TMEM170B: variants seen among roughly 807,000 people sequenced by gnomAD.
TMEM170B encodes transmembrane protein 170B.
A neutral mutation model predicts 13.0 loss-of-function variants in TMEM170B; 6 were observed. That is an observed-to-expected ratio of 0.46 (90% CI 0.25 to 0.91). The LOEUF is 0.91. Among genes scored for constraint, TMEM170B ranks in the 40% least tolerant of loss-of-function variants. TMEM170B has a pLI of 0.17. For missense variants in TMEM170B, 138 were observed against 165.2 expected, an observed-to-expected ratio of 0.84 and a Z score of 0.90; for synonymous variants, 61 against 64.9, an observed-to-expected ratio of 0.94 and a Z score of 0.29.
intron 1 of TMEM170B, among the ~76,000 whole-genome samples, chr6:11,557,223 T>TA (rs1240113945): frequency 6.6e-6 from 1 of 152,250 alleles, no homozygotes; most frequent in Non-Finnish European, 1.5e-5. Flanking sequence ...AAGGAAAAGT[T>TA]ACGATTGTAT....
chr6:11,549,462 G>A (rs1422328396), intron 1 of TMEM170B, among the ~76,000 whole-genome samples: 1 of 152,124 alleles, frequency 6.6e-6, no homozygotes, highest in African/African-American at 2.4e-5. Context: ...AGGAGATCGA[G>A]ACCATCCTGG....
Position 11,577,983 on chromosome 6 carries a change from T to C in TMEM170B, c.*2422T>C, listed in dbSNP as rs1759902173. ...TATGCTGAAATTTTTAAAAAGTTAG[T>C]AGCTTTCCTATAGACACAAGAAATG... On this transcript the variant is annotated 3_prime_UTR_variant, in exon 3 of 3. Transcript: ENST00000379426. 6.6e-6 allele frequency: 1 copy of C among 152,148 alleles called. No individual in the cohort carries two copies. 9.4% of individuals were successfully genotyped at this position (152,148 alleles called of 1,614,324 possible).
intron 1 of TMEM170B, among the ~76,000 whole-genome samples, chr6:11,564,480 T>C (rs1759709590): frequency 1.3e-5 from 2 of 152,248 alleles, no homozygotes; most frequent in African/African-American, 2.4e-5. Flanking sequence ...AAATCACAGA[T>C]GAGATACTTT....
In TMEM170B at chr6:11,582,555, T is replaced by G. The variant is rs1314109998; in HGVS notation, c.*6994T>G. On this transcript the variant is annotated 3_prime_UTR_variant, in exon 3 of 3. Coordinates refer to ENST00000379426, the MANE Select transcript of TMEM170B (RefSeq NM_001100829.3). ...TGGTATTTTTCTCTATTTTTTCTTTTTCCAAGTATGAAATGGAAAAAAATG... is the reference window on the plus strand; with the variant it reads ...TGGTATTTTTCTCTATTTTTTCTTTGTCCAAGTATGAAATGGAAAAAAATG... 6.6e-6 allele frequency: 1 copy of G among 152,248 alleles called. No individual in the cohort carries two copies. The highest frequency in any genetic ancestry group is 1.5e-5 in the Non-Finnish European group (1 of 68,038). The allele number at this position is 152,248 out of a possible 1,614,324, so 9.4% of individuals were successfully genotyped here. A position where few individuals can be genotyped will look rare whatever the true frequency, so the allele number is the denominator to read the frequency against.
chr6:11,580,531 C>T lies in TMEM170B; in HGVS notation c.*4970C>T, dbSNP rs751054102. 1 of 152,074 alleles carries T rather than the reference C, an allele frequency of 6.6e-6. No homozygotes were observed. The highest frequency in any genetic ancestry group is 2.4e-5 in the African/African-American group (1 of 41,414). 9.4% of individuals were successfully genotyped at this position (152,074 alleles called of 1,614,324 possible). A position where few individuals can be genotyped will look rare whatever the true frequency, so the allele number is the denominator to read the frequency against. ...TTACTGAAGAAATTCTAGCAGATTTCGATTGCAGAGAAATTTGGTAACACT... is the reference window on the plus strand; with the variant it reads ...TTACTGAAGAAATTCTAGCAGATTTTGATTGCAGAGAAATTTGGTAACACT... On this transcript the variant is annotated 3_prime_UTR_variant, in exon 3 of 3. Transcript: ENST00000379426.
At position 11,538,058 on chromosome 6, in the gene TMEM170B, TCTCC is replaced by T. The variant is rs1759303851; in HGVS notation, c.-218_-215del. On this transcript the variant is annotated 5_prime_UTR_variant, in exon 1 of 3. It introduces an in-frame stop codon into an upstream open reading frame of the 5' UTR. Transcript: ENST00000379426. ...CTTCCTCCGTCCGCCGTCCTCAATG[TCTCC>T]CCGGCGGGGAGGGGGCTGCCTGGGA... Among the ~76,000 whole-genome samples the T allele has an allele frequency of 6.6e-6, 1 of 150,406 alleles. No individual in the cohort carries two copies. Among genetic ancestry groups the T allele is most frequent in the Non-Finnish European group, 1.5e-5 (1 of 67,418 alleles).
At position 11,538,207 on chromosome 6, in the gene TMEM170B, C is replaced by T. The variant is rs558319693; in HGVS notation, c.-71C>T. ...TGGAGGAGCCGCGCACCCGCCGCCGCCCCCCGAGCCTCGCAGCCGCCGCCG... is the reference window on the plus strand; with the variant it reads ...TGGAGGAGCCGCGCACCCGCCGCCGTCCCCCGAGCCTCGCAGCCGCCGCCG... On this transcript the variant is annotated 5_prime_UTR_variant, in exon 1 of 3. Coordinates refer to ENST00000379426, the MANE Select transcript of TMEM170B (RefSeq NM_001100829.3). The T allele has an allele frequency of 6.9e-6, 5 of 723,276 alleles. No homozygotes were observed. The highest frequency in any genetic ancestry group is 6.4e-5 in the South Asian group (1 of 15,570). 44.8% of individuals were successfully genotyped at this position (723,276 alleles called of 1,614,324 possible). A position where few individuals can be genotyped will look rare whatever the true frequency, so the allele number is the denominator to read the frequency against.
At position 11,582,447 on chromosome 6, in the gene TMEM170B, A is replaced by C. The variant is rs3818860; in HGVS notation, c.*6886A>C. The C allele has an allele frequency of 6.6e-6, 1 of 152,206 alleles. No homozygotes were observed. Among genetic ancestry groups the C allele is most frequent in the Non-Finnish European group, 1.5e-5 (1 of 68,028 alleles). The allele number at this position is 152,206 out of a possible 1,614,324, so 9.4% of individuals were successfully genotyped here. A position where few individuals can be genotyped will look rare whatever the true frequency, so the allele number is the denominator to read the frequency against. On this transcript the variant is annotated 3_prime_UTR_variant, in exon 3 of 3. Coordinates refer to ENST00000379426, the MANE Select transcript of TMEM170B (RefSeq NM_001100829.3). Reference sequence around the variant, plus strand: ...GAAAGCCTAACGAATAGTAGCTACTAACTTCATATGGTTCAATGTAAATCA... The same window carrying C: ...GAAAGCCTAACGAATAGTAGCTACTCACTTCATATGGTTCAATGTAAATCA...
At chr6:11,543,925 T>A (rs566728482) in intron 1 of TMEM170B, among the ~76,000 whole-genome samples, 37 of 152,314 alleles carry the variant, frequency 2.4e-4, no homozygotes, top group African/African-American at 8.4e-4. Context: ...GTAGTCTTGT[T>A]TATATATTAC....
intron 1 of TMEM170B, among the ~76,000 whole-genome samples, chr6:11,545,833 C>CTG (rs1461205985): frequency 9.2e-6 from 1 of 108,960 alleles, no homozygotes; most frequent in Non-Finnish European, 1.9e-5. Flanking sequence ...TGGTGAAACC[C>CTG]TGTGTCTACT....
At chr6:11,541,950 T>C (rs1384918352) in intron 1 of TMEM170B, among the ~76,000 whole-genome samples, 14 of 152,072 alleles carry the variant, frequency 9.2e-5, no homozygotes, top group Non-Finnish European at 4.4e-5. Flanking sequence ...GAGTAAATTA[T>C]CGAGTAAAAT....
At chr6:11,565,882 T>TA in intron 2 of TMEM170B, 46 bp downstream of exon 2, 1 of 1,582,922 alleles carries the variant, frequency 6.3e-7, no homozygotes, top group Admixed American at 1.7e-5. Context: ...TGTATACACT[T>TA]ACCATTTTGG....
intron 2 of TMEM170B, among the ~76,000 whole-genome samples, chr6:11,568,429 G>GTA (rs10537142): frequency 3.8e-4 from 58 of 151,420 alleles, no homozygotes; most frequent in African/African-American, 6.3e-4. Flanking sequence ...AATGGTATGT[G>GTA]TATATATATA....
chr6:11,541,672 A>T (rs1461083500), intron 1 of TMEM170B, among the ~76,000 whole-genome samples: 1 of 152,206 alleles, frequency 6.6e-6, no homozygotes, highest in Non-Finnish European at 1.5e-5. Context: ...TGCATTTGCA[A>T]CTTGGCTGTT....
At chr6:11,561,921 C>A (rs559559228) in intron 1 of TMEM170B, among the ~76,000 whole-genome samples, 15 of 152,244 alleles carry the variant, frequency 9.9e-5, no homozygotes, top group African/African-American at 3.6e-4. Flanking sequence ...TTGTTGAGAT[C>A]ATAGCTACAT....
At chr6:11,556,598 G>A (rs1759592792) in intron 1 of TMEM170B, among the ~76,000 whole-genome samples, 1 of 152,132 alleles carries the variant, frequency 6.6e-6, no homozygotes, top group Admixed American at 6.5e-5. Context: ...CAGCATTCCT[G>A]CCTTTCTGAA....
At chr6:11,570,244 C>A (rs10456073) in intron 2 of TMEM170B, among the ~76,000 whole-genome samples, 1 of 152,010 alleles carries the variant, frequency 6.6e-6, no homozygotes, top group Non-Finnish European at 1.5e-5. Flanking sequence ...AGTTAATTCC[C>A]AAACTCCTGT....
In TMEM170B at chr6:11,550,019, A is replaced by G. The variant is rs377232193; in HGVS notation, c.97+11645A>G. On this transcript the variant is annotated intron_variant, in intron 1 of 2. Transcript: ENST00000379426. The stretch of plus-strand genomic sequence containing the variant: ...CATCAATTTTTCTAACTTTTTATAA[A>G]TAAAGACGGGGTCTCGCTGTGTTGC... Among the ~76,000 whole-genome samples, 4 of 152,044 alleles carry G rather than the reference A, an allele frequency of 2.6e-5. No homozygotes were observed. In the East Asian group the frequency reaches 7.7e-4, roughly 29 times the overall value.
rs1307952002 is a variant in TMEM170B at position 11,576,559 on chromosome 6, G to C, written c.*998G>C. ...AAAACATAAACAGTCTTTCATTCTG[G>C]AGTATTAACTGTTTTTAGAGACTGG... On this transcript the variant is annotated 3_prime_UTR_variant, in exon 3 of 3. Coordinates refer to ENST00000379426, the MANE Select transcript of TMEM170B (RefSeq NM_001100829.3). The C allele has an allele frequency of 6.6e-6, 1 of 152,008 alleles. No individual in the cohort carries two copies. The highest frequency in any genetic ancestry group is 2.4e-5 in the African/African-American group (1 of 41,386). The allele number at this position is 152,008 out of a possible 1,614,324, so 9.4% of individuals were successfully genotyped here. A position where few individuals can be genotyped will look rare whatever the true frequency, so the allele number is the denominator to read the frequency against.
Sources: gnomAD v4.1 joint callset for allele counts (sites outside exome capture counted in the v4.1 genomes callset) on GRCh38, gnomAD v4.1.1 for gene constraint, MANE v1.5 for transcripts, NCBI Gene and HGNC (gene_info 2026-07-23, HGNC 2026-07-21) for gene names.